The following PRODH2 variants were observed in gnomAD, a reference collection of about 807,000 sequenced individuals.
PRODH2 encodes the protein proline dehydrogenase 2.
A neutral mutation model predicts 51.9 loss-of-function variants in PRODH2; 49 were observed. That is an observed-to-expected ratio of 0.94 (90% CI 0.75 to 1.20). PRODH2 has a LOEUF of 1.20. PRODH2 is among the 50% of genes most tolerant of loss of function. The pLI is 0.00. For synonymous variants in PRODH2, 249 were observed against 260.7 expected (o/e 0.96, Z 0.43); for missense variants, 597 against 610.9 (o/e 0.98, Z 0.24).
chr19:35,812,500 T>C lies in PRODH2; in HGVS notation c.231A>G (p.Arg77=), dbSNP rs1236811746. The change falls in exon 2 of 10, where the codon CGA becomes CGG. Residue 77 remains arginine (R), a synonymous_variant. Transcript: ENST00000653904. ...CCACAAACTGCCCATAGACGGATGC[T>C]CGGAGAAATGCGCCTGAGAGCCGGG... is the stretch of plus-strand genomic sequence containing the variant. The part of the protein sequence containing the change: ...LGSRLSGAFL[R]ASVYGQFVAG... 1.2e-6 allele frequency: 2 copies of C among 1,614,024 alleles called. No homozygotes were observed. The highest frequency in any genetic ancestry group is 2.7e-5 in the African/African-American group (2 of 74,910).
intron 4 of PRODH2, among the ~76,000 whole-genome samples, chr19:35,808,183 G>C (rs1015625469): frequency 6.6e-6 from 1 of 152,204 alleles, no homozygotes; most frequent in Admixed American, 6.5e-5. Flanking sequence ...CAAACACTTC[G>C]GGAGTGGATA....
chr19:35,810,899 T>C (rs1409146436), intron 4 of PRODH2, among the ~76,000 whole-genome samples: 1 of 152,186 alleles, frequency 6.6e-6, no homozygotes, highest in Non-Finnish European at 1.5e-5. Context: ...ACATTTACAA[T>C]GTGTGTAGTT....
rs887996247 is a variant in PRODH2, at chr19:35,812,483, T to G, written c.248A>C (p.Gln83Pro). The G allele has an allele frequency of 1.9e-6, 3 of 1,614,188 alleles. No homozygotes were observed. The highest frequency in any genetic ancestry group is 2.5e-6 in the Non-Finnish European group (3 of 1,180,026). Residue 83 changes from glutamine (Q) to proline (P), a missense_variant, in exon 2 of 10, where the codon CAG becomes CCG. By Grantham distance (76) the Gln-to-Pro change is moderately conservative. Transcript: ENST00000653904. ...CTCTGCTGTCTCACCAGCCACAAAC[T>G]GCCCATAGACGGATGCTCGGAGAAA... ...GAFLRASVYG[Q>P]FVAGETAEEV...
chr19:35,800,189 G>T lies in PRODH2; in HGVS notation c.1232C>A (p.Pro411His). ...GATTACCTCCTCCAAGGAGCCATAG[G>T]GAATGGACTTATACACTACATAGCC... ...QAGYVVYKSI[P>H]YGSLEEVIPY... Residue 411 changes from proline (P) to histidine (H), a missense_variant, in exon 10 of 10, where the codon CCC becomes CAC. By Grantham distance (77) the Pro-to-His change is moderately conservative (BLOSUM62 -2). Transcript: ENST00000653904. 1 of 1,600,840 alleles carries T rather than the reference G, an allele frequency of 6.2e-7. No homozygotes were observed. Among genetic ancestry groups the T allele is most frequent in the East Asian group, 2.3e-5 (1 of 44,272 alleles).
At chr19:35,805,749 A>T (rs1310500730) in intron 7 of PRODH2, among the ~76,000 whole-genome samples, 1 of 152,188 alleles carries the variant, frequency 6.6e-6, no homozygotes, top group African/African-American at 2.4e-5. Context: ...CGTGCCCTGG[A>T]GCCCCTGCAG....
chr19:35,802,432 G>GT, intron 8 of PRODH2, 156 bp from the exon 9 acceptor site: 1 of 699,204 alleles, frequency 1.4e-6, no homozygotes, highest in South Asian at 1.7e-5. Flanking sequence ...TTCCTTGAAG[G>GT]TCCCCCAGTG....
At chr19:35,808,812 C>CT (rs1555755838) in intron 4 of PRODH2, among the ~76,000 whole-genome samples, 6,845 of 131,202 alleles carry the variant, frequency 0.052, 300 homozygotes, top group African/African-American at 0.11. Flanking sequence ...TTCCTTCCTT[C>CT]TTTTTTTTTT....
At chr19:35,809,025 C>T (rs1490086284) in intron 4 of PRODH2, among the ~76,000 whole-genome samples, 1 of 151,940 alleles carries the variant, frequency 6.6e-6, no homozygotes, top group African/African-American at 2.4e-5. Context: ...AGTGATCCAG[C>T]CCCACTTAGC....
intron 7 of PRODH2, among the ~76,000 whole-genome samples, chr19:35,804,040 T>A (rs1487578659): frequency 6.6e-6 from 1 of 152,140 alleles, no homozygotes; most frequent in Non-Finnish European, 1.5e-5. Flanking sequence ...GGAAGGAGTG[T>A]GGGTGTCTCA....
chr19:35,812,082 A>T (rs1972619801), intron 3 of PRODH2, 34 bp from the exon 4 acceptor site: 3 of 1,613,826 alleles, frequency 1.9e-6, no homozygotes, highest in Non-Finnish European at 2.5e-6. Context: ...TGGTGAGGGG[A>T]GCCCGATGGG....
chr19:35,806,403 T>C (rs776009263), intron 7 of PRODH2, 27 bp downstream of exon 7: 12 of 1,613,280 alleles, frequency 7.4e-6, no homozygotes, highest in Middle Eastern at 1.7e-4. Flanking sequence ...TATTATTTCC[T>C]GCAGAGGCCA....
chr19:35,801,037 C>T (rs1266636050), intron 9 of PRODH2, among the ~76,000 whole-genome samples: 1 of 152,016 alleles, frequency 6.6e-6, no homozygotes, highest in Non-Finnish European at 1.5e-5. Flanking sequence ...CATGGTGGTG[C>T]GTGCCTATAA....
Position 35,812,357 on chromosome 19 carries a change from C to A in PRODH2, c.371+3G>T. On this transcript the variant is annotated splice_donor_region_variant and intron_variant, in intron 2 of 9. Transcript: ENST00000653904. ...CCTCCCTGGGCCCTGGCTCCCTACTCACCCACTCTTGGCAGCAGAGTCCGG... is the reference window on the plus strand; with the variant it reads ...CCTCCCTGGGCCCTGGCTCCCTACTAACCCACTCTTGGCAGCAGAGTCCGG... 6.2e-7 allele frequency: 1 copy of A among 1,611,926 alleles called. No individual in the cohort carries two copies. Among genetic ancestry groups the A allele is most frequent in the Non-Finnish European group, 8.5e-7 (1 of 1,178,356 alleles).
chr19:35,802,074 G>A (rs1972440263), intron 9 of PRODH2, 117 bp downstream of exon 9: 1 of 917,474 alleles, frequency 1.1e-6, no homozygotes, highest in African/African-American at 1.6e-5. Flanking sequence ...ACACTGGAAT[G>A]ACAGATCTCT....
At chr19:35,802,112 G>C in intron 9 of PRODH2, 79 bp downstream of exon 9, 1 of 1,364,572 alleles carries the variant, frequency 7.3e-7, no homozygotes, top group East Asian at 2.3e-5. Context: ...CTGGGCCTTG[G>C]TTGGGAATAG....
At chr19:35,808,572 T>C (rs891312417) in intron 4 of PRODH2, among the ~76,000 whole-genome samples, 5 of 152,022 alleles carry the variant, frequency 3.3e-5, no homozygotes, top group African/African-American at 1.2e-4. Flanking sequence ...CAGGGAGCTA[T>C]TTCAGACACC....
intron 5 of PRODH2, 46 bp downstream of exon 5, chr19:35,806,995 C>T (rs10411242): frequency 9.7e-6 from 15 of 1,544,386 alleles, no homozygotes; most frequent in African/African-American, 5.6e-5. Context: ...CCAATGCAGG[C>T]GGCAGAGGGA....
intron 4 of PRODH2, 51 bp from the exon 5 acceptor site, chr19:35,807,172 T>C: frequency 6.9e-7 from 1 of 1,450,674 alleles, no homozygotes; most frequent in Non-Finnish European, 9.5e-7. Context: ...GCTAGAAATC[T>C]AAAAATGAGC....
intron 7 of PRODH2, 118 bp downstream of exon 7, chr19:35,806,312 G>T: frequency 7.6e-7 from 1 of 1,319,106 alleles, no homozygotes; most frequent in South Asian, 1.3e-5. Context: ...TCCAACTCCT[G>T]CTCTCAAGTG....
Sources: gnomAD v4.1 joint callset for allele counts (sites outside exome capture counted in the v4.1 genomes callset) on GRCh38, gnomAD v4.1.1 for gene constraint, MANE v1.5 for transcripts, NCBI Gene and HGNC (gene_info 2026-07-23, HGNC 2026-07-21) for gene names.